FOXN1: variants seen among roughly 807,000 people sequenced by gnomAD.
FOXN1 encodes forkhead box protein N1.
FOXN1 carries 15 observed loss-of-function variants against 49.0 expected under a neutral mutation model. That is an observed-to-expected ratio of 0.31 (90% CI 0.20 to 0.47). FOXN1 has a LOEUF of 0.47. Ranked by LOEUF, FOXN1 falls within the 20% of genes least tolerant of loss-of-function variation. The probability of loss-of-function intolerance (pLI) is 1.00; values close to 1 mark genes in which losing one functional copy is unlikely to be tolerated. For missense variants in FOXN1, 800 were observed against 842.8 expected (o/e 0.95, Z 0.63); for synonymous variants, 356 against 369.0 (o/e 0.96, Z 0.40).
intron 6 of FOXN1, among the ~76,000 whole-genome samples, chr17:28,533,949 T>A (rs1021085345): frequency 1.3e-5 from 2 of 151,574 alleles, no homozygotes; most frequent in African/African-American, 4.9e-5. Context: ...CACAGAGGGG[T>A]CCAAGCACAG....
At chr17:28,528,376 C>G (rs1273107588) in intron 4 of FOXN1, among the ~76,000 whole-genome samples, 1 of 152,172 alleles carries the variant, frequency 6.6e-6, no homozygotes, top group Non-Finnish European at 1.5e-5. Context: ...GCCACCAGAC[C>G]TTAAATGACC....
At chr17:28,532,056 C>T (rs2069927761) in intron 6 of FOXN1, among the ~76,000 whole-genome samples, 1 of 152,084 alleles carries the variant, frequency 6.6e-6, no homozygotes, top group Admixed American at 6.5e-5. Context: ...CTGAACTCTC[C>T]CTAACCCCTA....
At position 28,537,262 on chromosome 17, in the gene FOXN1, C is replaced by A; in HGVS notation, c.1773C>A (p.Gly591=). Residue 591 remains glycine, a synonymous_variant, in exon 9 of 9, where the codon GGC becomes GGA. Transcript: ENST00000579795. ...FPPGPCLTET[G]SGAGDLAAPG... ...CTGGGCCCTGTCTGACAGAGACAGG[C>A]AGTGGGGCAGGTGACTTGGCAGCCC... 6.2e-7 allele frequency: 1 copy of A among 1,614,042 alleles called. No individual in the cohort carries two copies. Among genetic ancestry groups the A allele is most frequent in the Non-Finnish European group, 8.5e-7 (1 of 1,179,944 alleles).
intron 1 of FOXN1, among the ~76,000 whole-genome samples, chr17:28,516,994 C>G (rs2069522934): frequency 2.1e-5 from 1 of 48,236 alleles, no homozygotes; most frequent in African/African-American, 5.2e-5. Flanking sequence ...CCACAGGGTA[C>G]ACACCTCCAC....
intron 5 of FOXN1, among the ~76,000 whole-genome samples, chr17:28,529,619 G>A (rs1287837359): frequency 6.6e-6 from 1 of 152,202 alleles, no homozygotes; most frequent in Non-Finnish European, 1.5e-5. Flanking sequence ...GGGGGATGAG[G>A]CCTGCAGATG....
intron 1 of FOXN1, among the ~76,000 whole-genome samples, chr17:28,518,558 C>T (rs557526429): frequency 6.6e-6 from 1 of 152,194 alleles, no homozygotes; most frequent in Non-Finnish European, 1.5e-5. Flanking sequence ...TGTTGTCAGC[C>T]TTTCTGGGAA....
chr17:28,537,373 C>G lies in FOXN1; in HGVS notation c.1884C>G (p.Pro628=). 1 of 1,612,962 alleles carries G rather than the reference C, an allele frequency of 6.2e-7. No individual in the cohort carries two copies. Among genetic ancestry groups the G allele is most frequent in the Non-Finnish European group, 8.5e-7 (1 of 1,179,474 alleles). ...SAFMELEPTP[P]TAPAGPSVYL... is the part of the protein sequence containing the mutation. ...TTATGGAGCTGGAGCCCACGCCCCCCACGGCCCCTGCAGGCCCCTCTGTGT... is the reference window on the plus strand; with the variant it reads ...TTATGGAGCTGGAGCCCACGCCCCCGACGGCCCCTGCAGGCCCCTCTGTGT... Residue 628 remains proline (P), a synonymous_variant, in exon 9 of 9, where the codon CCC becomes CCG. Transcript: ENST00000579795.
At chr17:28,530,720 G>A (rs118009648) in intron 5 of FOXN1, 29 bp from the exon 6 acceptor site, 13 of 1,336,728 alleles carry the variant, frequency 9.7e-6, no homozygotes, top group African/African-American at 5.7e-5. Flanking sequence ...TCAGAGGTTC[G>A]GACTCTCAGG....
chr17:28,530,116 T>C lies in FOXN1; in HGVS notation c.831-633T>C, dbSNP rs551508884. On this transcript the variant is annotated intron_variant, in intron 5 of 8. Coordinates refer to ENST00000579795, the MANE Select transcript of FOXN1 (RefSeq NM_001369369.1). ...GGTTGACGGGTGTAGCAAACCACCATAGCACGGGTATACCTATGTAACAAA... is the reference window on the plus strand; with the variant it reads ...GGTTGACGGGTGTAGCAAACCACCACAGCACGGGTATACCTATGTAACAAA... 4.7e-4 allele frequency among the ~76,000 whole-genome samples: 71 copies of C among 151,940 alleles called. 1 individual carries two copies. Among genetic ancestry groups the C allele is most frequent in the African/African-American group, 1.6e-3 (65 of 41,420 alleles).
chr17:28,524,679 T>G lies in FOXN1; in HGVS notation c.300T>G (p.Pro100=). The G allele has an allele frequency of 6.2e-7, 1 of 1,613,386 alleles. No individual in the cohort carries two copies. Among genetic ancestry groups the G allele is most frequent in the South Asian group, 1.1e-5 (1 of 91,066 alleles). The change falls in exon 3 of 9, where the codon CCT becomes CCG. Residue 100 remains proline (P), a synonymous_variant. Coordinates refer to ENST00000579795, the MANE Select transcript of FOXN1 (RefSeq NM_001369369.1). ...PFRLSPSDKY[P]GFGFEEAAAS... Reference sequence around the variant, plus strand: ...GGCTCTCACCCTCAGACAAGTATCCTGGCTTTGGCTTTGAGGAGGCCGCAG... The same window carrying G: ...GGCTCTCACCCTCAGACAAGTATCCGGGCTTTGGCTTTGAGGAGGCCGCAG...
rs1309565889 is a variant in FOXN1, at chr17:28,537,712, C to T, written c.*276C>T. 1 of 561,982 alleles carries T rather than the reference C, an allele frequency of 1.8e-6. No individual in the cohort carries two copies. Among genetic ancestry groups the T allele is most frequent in the East Asian group, 3.0e-5 (1 of 32,922 alleles). The allele number at this position is 561,982 out of a possible 1,614,324, so 34.8% of individuals were successfully genotyped here. ...AGAGGAAAATGCCCTGTCCCTAGCT[C>T]ACACTCATCCACACTTAAGCCCTCG... On this transcript the variant is annotated 3_prime_UTR_variant, in exon 9 of 9. Coordinates refer to ENST00000579795, the MANE Select transcript of FOXN1 (RefSeq NM_001369369.1).
intron 6 of FOXN1, among the ~76,000 whole-genome samples, chr17:28,532,905 T>G (rs2069948389): frequency 1.3e-5 from 2 of 152,192 alleles, no homozygotes; most frequent in Admixed American, 1.3e-4. Context: ...ACTCCGCCCA[T>G]GGGGCAACGT....
chr17:28,521,903 G>C (rs564289130), intron 1 of FOXN1, among the ~76,000 whole-genome samples: 1 of 152,266 alleles, frequency 6.6e-6, no homozygotes, highest in African/African-American at 2.4e-5. Context: ...GCTCCGGAAA[G>C]AGCATGGCCT....
chr17:28,519,393 G>A (rs2069594730), intron 1 of FOXN1, among the ~76,000 whole-genome samples: 1 of 152,074 alleles, frequency 6.6e-6, no homozygotes, highest in Non-Finnish European at 1.5e-5. Context: ...GCGGCAAAGG[G>A]ACCCCAGGGC....
intron 4 of FOXN1, among the ~76,000 whole-genome samples, chr17:28,528,039 G>T (rs886769465): frequency 1.3e-5 from 2 of 152,228 alleles, no homozygotes; most frequent in Non-Finnish European, 1.5e-5. Flanking sequence ...GCAAGTGGCT[G>T]CCCAGCGCCC....
intron 2 of FOXN1, among the ~76,000 whole-genome samples, chr17:28,524,298 C>A (rs1597550528): frequency 6.6e-6 from 1 of 152,140 alleles, no homozygotes; most frequent in Admixed American, 6.5e-5. Context: ...CTGTGAGCCC[C>A]ATCAGATTTG....
intron 8 of FOXN1, among the ~76,000 whole-genome samples, chr17:28,535,993 C>T (rs551899996): frequency 6.6e-6 from 1 of 152,330 alleles, no homozygotes; most frequent in South Asian, 2.1e-4. Flanking sequence ...TCCACTCCAT[C>T]TTGGCTGCTC....
chr17:28,512,718 C>A (rs2069418220), intron 1 of FOXN1, among the ~76,000 whole-genome samples: 1 of 152,188 alleles, frequency 6.6e-6, no homozygotes, highest in Admixed American at 6.5e-5. Context: ...GCGGGGCAAG[C>A]TTGCTGACCT....
intron 1 of FOXN1, among the ~76,000 whole-genome samples, chr17:28,514,054 T>C (rs965378425): frequency 1.3e-5 from 2 of 152,140 alleles, no homozygotes; most frequent in Admixed American, 6.5e-5. Flanking sequence ...AGGACTAAGA[T>C]TACAATAAAT....
Sources: allele counts gnomAD v4.1 joint callset (sites outside exome capture counted in the v4.1 genomes callset), GRCh38; gene constraint gnomAD v4.1.1; transcripts MANE v1.5; gene names NCBI Gene and HGNC (gene_info 2026-07-23, HGNC 2026-07-21).